JAML: variants seen among roughly 807,000 people sequenced by gnomAD.
JAML encodes junction adhesion molecule like.
Under a neutral mutation model 39.3 loss-of-function variants are expected in JAML, and 25 were observed. The ratio of observed to expected loss-of-function variants is 0.64; its 90% CI spans 0.46 to 0.89. The LOEUF (loss-of-function observed/expected upper bound fraction) is 0.89. Ranked by LOEUF, JAML falls within the 40% of genes least tolerant of loss-of-function variation. JAML has a pLI of 0.00. For synonymous variants in JAML, 162 were observed against 179.2 expected (o/e 0.90, Z 0.77); for missense variants, 440 against 486.9 (o/e 0.90, Z 0.91).
intron 5 of JAML, 87 bp downstream of exon 5, chr11:118,205,795 A>G: frequency 7.9e-7 from 1 of 1,267,606 alleles, no homozygotes; most frequent in Non-Finnish European, 1.1e-6. Flanking sequence ...GGCTCTTGCA[A>G]CACCTCCTCA....
At chr11:118,194,642 T>A (rs1591453455) in intron 9 of JAML, among the ~76,000 whole-genome samples, 1 of 152,192 alleles carries the variant, frequency 6.6e-6, no homozygotes, top group Non-Finnish European at 1.5e-5. Flanking sequence ...CAAGACCATC[T>A]GGCTGCAACA....
In JAML at chr11:118,200,599, C is replaced by A. The variant is rs377621403; in HGVS notation, c.786G>T (p.Pro262=). The change falls in exon 7 of 10, where the codon CCG becomes CCT. Residue 262 remains proline, a synonymous_variant. Transcript: ENST00000356289. ...CCAAGACCAGAGGCCTCAGGGCTGC[C>A]GGGGTCACCAGTGCTTGGGAAAGTA... ...SPEEPRTLVT[P]AALRPLVLGG... is the part of the protein sequence containing the mutation. 1 of 1,614,032 alleles carries A rather than the reference C, an allele frequency of 6.2e-7. No homozygotes were observed. The highest frequency in any genetic ancestry group is 8.5e-7 in the Non-Finnish European group (1 of 1,180,000).
Position 118,218,562 on chromosome 11 carries a change from A to G in JAML, c.-20-3676T>C, listed in dbSNP as rs375810572. 4.6e-3 allele frequency among the ~76,000 whole-genome samples: 698 copies of G among 152,306 alleles called. 58 individuals carry two copies. The South Asian group carries it at 0.12, about 26-fold the overall frequency. On this transcript the variant is annotated intron_variant, in intron 1 of 9. Coordinates refer to ENST00000356289, the MANE Select transcript of JAML (RefSeq NM_001098526.2). ...CATGCCCATGAGCCACCACACTTCCAGTGCCAGCATGGTGTGAGGTACGGG... is the reference window on the plus strand; with the variant it reads ...CATGCCCATGAGCCACCACACTTCCGGTGCCAGCATGGTGTGAGGTACGGG...
intron 5 of JAML, chr11:118,205,056 C>CT (rs1008333549): frequency 3.9e-5 from 6 of 152,172 alleles, no homozygotes; most frequent in Non-Finnish European, 8.8e-5. Flanking sequence ...ATGGCAAGCT[C>CT]TCAGAGGTGA....
rs373879061 is a variant in JAML at position 118,221,211 on chromosome 11, G to T, written c.-21+3730C>A. The stretch of plus-strand genomic sequence containing the variant: ...AAGAAGCATGCGTAATAATTACATG[G>T]CTAGTCCTAGAAAGTTCTCTTGAGC... On this transcript the variant is annotated intron_variant, in intron 1 of 9. Coordinates refer to ENST00000356289, the MANE Select transcript of JAML (RefSeq NM_001098526.2). Among the ~76,000 whole-genome samples, 5 of 151,614 alleles carry T rather than the reference G, an allele frequency of 3.3e-5. 1 individual carries two copies. In the South Asian group the frequency reaches 1.0e-3, roughly 32 times the overall value.
chr11:118,224,633 G>A (rs1176933839), intron 1 of JAML, among the ~76,000 whole-genome samples: 1 of 152,188 alleles, frequency 6.6e-6, no homozygotes, highest in Non-Finnish European at 1.5e-5. Flanking sequence ...GCCAGTCACA[G>A]CTCCACCTAA....
At chr11:118,199,932 G>C (rs1362907220) in intron 7 of JAML, among the ~76,000 whole-genome samples, 2 of 152,080 alleles carry the variant, frequency 1.3e-5, no homozygotes, top group Admixed American at 1.3e-4. Context: ...TCCTGACCTC[G>C]TGATCCGCCC....
chr11:118,210,482 C>A lies in JAML; in HGVS notation c.424+5G>T. On this transcript the variant is annotated splice_donor_5th_base_variant and intron_variant, in intron 4 of 9. Transcript: ENST00000356289. ...TGGCCCCTCTTTAAGTAAGCATTTG[C>A]GTACCTTTGGGCTCCTCTGGAAGCA... is the stretch of plus-strand genomic sequence containing the variant. The A allele has an allele frequency of 6.2e-7, 1 of 1,613,452 alleles. No homozygotes were observed. Among genetic ancestry groups the A allele is most frequent in the Non-Finnish European group, 8.5e-7 (1 of 1,179,868 alleles).
chr11:118,214,071 TAAA>T (rs1421982952), intron 2 of JAML, among the ~76,000 whole-genome samples: 1 of 151,918 alleles, frequency 6.6e-6, no homozygotes, highest in African/African-American at 2.4e-5. Context: ...AAAATAATAA[TAAA>T]GAGAAAAAGA....
intron 1 of JAML, among the ~76,000 whole-genome samples, chr11:118,224,377 G>T (rs1949239676): frequency 6.6e-6 from 1 of 152,098 alleles, no homozygotes; most frequent in Non-Finnish European, 1.5e-5. Context: ...TAAGTCTCGG[G>T]CTTCTAAAGG....
chr11:118,203,101 C>T (rs1948843028), intron 6 of JAML: 1 of 504,940 alleles, frequency 2.0e-6, no homozygotes, highest in East Asian at 5.4e-5. Context: ...GACATCAACT[C>T]CGATCCTTCC....
At position 118,198,027 on chromosome 11, in the gene JAML, G is replaced by A. The variant is rs1948696448; in HGVS notation, c.976C>T (p.Pro326Ser). 31 of 1,614,038 alleles carry A rather than the reference G, an allele frequency of 1.9e-5. No homozygotes were observed. In the East Asian group the frequency reaches 6.9e-4, roughly 36 times the overall value. Residue 326 changes from proline (P) to serine (S), a missense_variant, in exon 8 of 10, where the codon CCC becomes TCC. Coordinates refer to ENST00000356289, the MANE Select transcript of JAML (RefSeq NM_001098526.2). ...KKTNPEIKEK[P>S]CHFERCEGEK... Reference sequence around the variant, plus strand: ...CCTTCACATCTTTCAAAATGGCAGGGTTTTTCTTTTATCTCTGGATTAGTC... The same window carrying A: ...CCTTCACATCTTTCAAAATGGCAGGATTTTTCTTTTATCTCTGGATTAGTC...
intron 1 of JAML, among the ~76,000 whole-genome samples, chr11:118,217,444 C>T (rs1392989878): frequency 5.3e-5 from 8 of 152,218 alleles, no homozygotes; most frequent in Admixed American, 5.2e-4. Flanking sequence ...GTCCTACATA[C>T]TCGGATGCAC....
chr11:118,208,144 T>A (rs1471311277), intron 4 of JAML, among the ~76,000 whole-genome samples: 1 of 151,672 alleles, frequency 6.6e-6, no homozygotes, highest in Non-Finnish European at 1.5e-5. Flanking sequence ...GGCAGAAGGA[T>A]CACTTGAGCC....
At chr11:118,219,997 C>CA (rs1949193552) in intron 1 of JAML, among the ~76,000 whole-genome samples, 1 of 152,216 alleles carries the variant, frequency 6.6e-6, no homozygotes, top group South Asian at 2.1e-4. Flanking sequence ...GCCTGAAGGC[C>CA]AGGGGCTGAA....
chr11:118,203,846 CTTGTGA>C, intron 5 of JAML, 181 bp from the exon 6 acceptor site: 1 of 590,596 alleles, frequency 1.7e-6, no homozygotes, highest in Non-Finnish European at 3.0e-6. Flanking sequence ...TGCGTGTGTA[CTTGTGA>C]AGGACATCAC....
intron 7 of JAML, among the ~76,000 whole-genome samples, chr11:118,198,671 A>C (rs1948711996): frequency 7.3e-6 from 1 of 137,122 alleles, no homozygotes; most frequent in Non-Finnish European, 1.6e-5. Flanking sequence ...CCTAAGTCAG[A>C]ACTAAAAAAA....
At chr11:118,196,294 A>G (rs647099) in intron 9 of JAML, among the ~76,000 whole-genome samples, 86,128 of 150,802 alleles carry the variant, frequency 0.57, 24,557 homozygotes, top group South Asian at 0.75. Flanking sequence ...CACCTGGCCA[A>G]TTTTTGTATT....
intron 4 of JAML, 134 bp from the exon 5 acceptor site, chr11:118,206,125 T>G: frequency 1.4e-6 from 1 of 703,062 alleles, no homozygotes; most frequent in East Asian, 2.7e-5. Context: ...ACTGTACGTA[T>G]TCCCTCTGTA....
Sources: gnomAD v4.1 joint callset for allele counts (sites outside exome capture counted in the v4.1 genomes callset) on GRCh38, gnomAD v4.1.1 for gene constraint, MANE v1.5 for transcripts, NCBI Gene and HGNC (gene_info 2026-07-23, HGNC 2026-07-21) for gene names.